Variants in LRRC42 observed in about 807,000 individuals in gnomAD.
LRRC42 encodes leucine rich repeat containing 42.
Under a neutral mutation model 44.3 loss-of-function variants are expected in LRRC42, and 43 were observed. The observed-to-expected ratio is 0.97, with a 90% CI of 0.76 to 1.25. LRRC42 has a LOEUF of 1.25. Ranked by LOEUF, LRRC42 falls within the 50% of genes most tolerant of loss-of-function variation. The probability of loss-of-function intolerance (pLI) is 0.00; values close to 1 mark genes in which losing one functional copy is unlikely to be tolerated. For missense variants in LRRC42, 540 were observed against 509.1 expected, an observed-to-expected ratio of 1.06 and a Z score of -0.58; for synonymous variants, 207 against 195.2, an observed-to-expected ratio of 1.06 and a Z score of -0.50.
intron 2 of LRRC42, among the ~76,000 whole-genome samples, chr1:53,948,837 G>C (rs1249320662): frequency 1.3e-5 from 2 of 152,170 alleles, no homozygotes; most frequent in Non-Finnish European, 2.9e-5. Context: ...TCTTAGCCTT[G>C]AAGGGTTCAA....
At chr1:53,957,860 A>G (rs1281947914) in intron 3 of LRRC42, among the ~76,000 whole-genome samples, 6 of 152,236 alleles carry the variant, frequency 3.9e-5, no homozygotes, top group Non-Finnish European at 8.8e-5. Flanking sequence ...GGTCTGCCTG[A>G]TAACAAAGCA....
intron 3 of LRRC42, among the ~76,000 whole-genome samples, chr1:53,953,809 G>A (rs1441286401): frequency 3.3e-5 from 5 of 151,414 alleles, no homozygotes; most frequent in Non-Finnish European, 5.9e-5. Flanking sequence ...TCAGCTCACT[G>A]CAACCTCCAC....
At chr1:53,955,434 C>T (rs560524344) in intron 3 of LRRC42, among the ~76,000 whole-genome samples, 19 of 151,792 alleles carry the variant, frequency 1.3e-4, no homozygotes, top group African/African-American at 4.6e-4. Flanking sequence ...GTAGCCAGGA[C>T]TACAGGCGCC....
intron 2 of LRRC42, among the ~76,000 whole-genome samples, chr1:53,948,976 A>G (rs1012588207): frequency 5.9e-5 from 9 of 152,220 alleles, no homozygotes; most frequent in African/African-American, 1.9e-4. Context: ...ACCAAAGTCA[A>G]TTCCTCCAGT....
chr1:53,955,985 C>T (rs1244876402), intron 3 of LRRC42, among the ~76,000 whole-genome samples: 1 of 152,150 alleles, frequency 6.6e-6, no homozygotes. Flanking sequence ...CTGTCTCATT[C>T]AAATGTAAGA....
At position 53,962,069 on chromosome 1, in the gene LRRC42, C is replaced by T; in HGVS notation, c.760C>T (p.Leu254Phe). ...PEITDAGIGY[L>F]FSFRKLNCLD... The stretch of plus-strand genomic sequence containing the variant: ...GATCACAGATGCAGGCATTGGATAC[C>T]TCTTTTCTTTTAGGAAACTAAACTG... The change falls in exon 6 of 9, where the codon CTC becomes TTC. Residue 254 changes from leucine (L) to phenylalanine (F), a missense_variant. By Grantham distance (22) the Leu-to-Phe change is conservative (BLOSUM62 0). Transcript: ENST00000371370. 2.5e-6 allele frequency: 4 copies of T among 1,613,960 alleles called. No homozygotes were observed. The highest frequency in any genetic ancestry group is 3.4e-6 in the Non-Finnish European group (4 of 1,179,888).
intron 2 of LRRC42, among the ~76,000 whole-genome samples, chr1:53,949,044 C>T (rs1654600953): frequency 6.6e-6 from 1 of 152,152 alleles, no homozygotes; most frequent in Admixed American, 6.5e-5. Flanking sequence ...TTTATTTTTT[C>T]CTCATTTAGA....
At chr1:53,960,010 TC>T (rs1212927916) in intron 4 of LRRC42, among the ~76,000 whole-genome samples, 2 of 151,030 alleles carry the variant, frequency 1.3e-5, no homozygotes, top group East Asian at 3.9e-4. Flanking sequence ...AGCTTTGAAA[TC>T]CTTGGTTGAA....
chr1:53,963,136 C>T (rs973005138), intron 7 of LRRC42, among the ~76,000 whole-genome samples: 4 of 152,112 alleles, frequency 2.6e-5, no homozygotes, highest in Non-Finnish European at 5.9e-5. Flanking sequence ...TCCTGGATCC[C>T]CTCTTAGCTC....
chr1:53,967,325 T>C (rs763437523), intron 8 of LRRC42, among the ~76,000 whole-genome samples: 1 of 152,246 alleles, frequency 6.6e-6, no homozygotes, highest in Admixed American at 6.5e-5. Context: ...AATCACTTTA[T>C]GTACATGATC....
In LRRC42 at chr1:53,967,555, A is replaced by ATTTT. The variant is rs1185068501; in HGVS notation, c.1013-110_1013-109insTTTT. On this transcript the variant is annotated intron_variant, in intron 8 of 8. Transcript: ENST00000371370. ...ACTCAAGGCAAAATGCAATCAATGC[A>ATTTT]GATATCACCCTGTTTGGGCCTTTGT... is the stretch of plus-strand genomic sequence containing the variant. 331 of 1,035,804 alleles carry ATTTT rather than the reference A, an allele frequency of 3.2e-4. 7 individuals carry two copies. The South Asian group carries it at 4.5e-3, about 14-fold the overall frequency. The allele number at this position is 1,035,804 out of a possible 1,614,324, so 64.2% of individuals were successfully genotyped here.
At chr1:53,966,990 CA>C (rs1027981620) in intron 8 of LRRC42, among the ~76,000 whole-genome samples, 11 of 152,104 alleles carry the variant, frequency 7.2e-5, no homozygotes, top group African/African-American at 2.7e-4. Context: ...TTCATTTGTA[CA>C]AGATAAAAAG....
Position 53,965,580 on chromosome 1 carries a change from C to T in LRRC42, c.928-716C>T, listed in dbSNP as rs1249781659. ...CTGCAAGCTCTGCCTCCCGGGTTCA[C>T]GCCATTCTCCTGCCCCAGCCTCCCG... is the stretch of plus-strand genomic sequence containing the variant. On this transcript the variant is annotated intron_variant, in intron 7 of 8. Transcript: ENST00000371370. Among the ~76,000 whole-genome samples the T allele has an allele frequency of 5.3e-5, 8 of 150,380 alleles. 1 individual carries two copies. Among genetic ancestry groups the T allele is most frequent in the Admixed American group, 1.3e-4 (2 of 15,116 alleles).
chr1:53,952,044 C>T lies in LRRC42; in HGVS notation c.45C>T (p.Pro15=). The part of the protein sequence containing the change: ...LSSENHLDPG[P]IYMRENGQLH... ...CAGAAAACCACCTGGACCCAGGGCC[C>T]ATCTACATGCGAGAAAATGGGCAGC... is the stretch of plus-strand genomic sequence containing the variant. Residue 15 remains proline, a synonymous_variant, in exon 3 of 9, where the codon CCC becomes CCT. Transcript: ENST00000371370. 1 of 1,614,162 alleles carries T rather than the reference C, an allele frequency of 6.2e-7. No individual in the cohort carries two copies.
In LRRC42 at chr1:53,958,035, C is replaced by T. The variant is rs1654886109; in HGVS notation, c.474-114C>T. On this transcript the variant is annotated intron_variant, in intron 3 of 8. Coordinates refer to ENST00000371370, the MANE Select transcript of LRRC42 (RefSeq NM_001256409.2). ...AGTAATTAGTGAAGTCTGCTTATTC[C>T]ATAGTACTGTGTCCTGATGGGATGG... 3.0e-6 allele frequency: 4 copies of T among 1,338,760 alleles called. No homozygotes were observed. In the South Asian group the frequency reaches 4.9e-5, roughly 16 times the overall value. The allele number at this position is 1,338,760 out of a possible 1,614,324, so 82.9% of individuals were successfully genotyped here.
intron 7 of LRRC42, among the ~76,000 whole-genome samples, chr1:53,962,702 C>T (rs1655031031): frequency 6.6e-6 from 1 of 152,136 alleles, no homozygotes; most frequent in South Asian, 2.1e-4. Flanking sequence ...TGGCTTGCTA[C>T]ACAAAAAAGC....
At chr1:53,963,311 T>G (rs1296172810) in intron 7 of LRRC42, among the ~76,000 whole-genome samples, 1 of 152,232 alleles carries the variant, frequency 6.6e-6, no homozygotes, top group Non-Finnish European at 1.5e-5. Flanking sequence ...AGACAAAGTT[T>G]CTAGTGCTGT....
At chr1:53,947,966 T>C (rs1238201789) in intron 2 of LRRC42, 145 bp downstream of exon 2, 2 of 152,326 alleles carry the variant, frequency 1.3e-5, no homozygotes, top group African/African-American at 2.4e-5. Context: ...CTGCCACTTA[T>C]TAGCTCTGTT....
intron 5 of LRRC42, among the ~76,000 whole-genome samples, 173 bp downstream of exon 5, chr1:53,960,647 A>G (rs1654972231): frequency 6.6e-6 from 1 of 152,210 alleles, no homozygotes. Flanking sequence ...CTCCTGGCCA[A>G]CTGATTTTTC....
Sources: allele counts gnomAD v4.1 joint callset (sites outside exome capture counted in the v4.1 genomes callset), GRCh38; gene constraint gnomAD v4.1.1; transcripts MANE v1.5; gene names NCBI Gene and HGNC (gene_info 2026-07-23, HGNC 2026-07-21).